Variants in STAB2 observed in about 807,000 individuals in gnomAD.
The protein encoded by STAB2 is stabilin-2.
In STAB2, 288 loss-of-function variants were observed where a neutral mutation model predicts 338.1. The ratio of observed to expected loss-of-function variants is 0.85; its 90% CI spans 0.77 to 0.94. The LOEUF (loss-of-function observed/expected upper bound fraction) is 0.94. Ranked by LOEUF, STAB2 falls within the 40% of genes least tolerant of loss-of-function variation. The probability of loss-of-function intolerance (pLI) is 0.00; values close to 1 mark genes in which losing one functional copy is unlikely to be tolerated. For synonymous variants in STAB2, 1,202 were observed against 1,193.3 expected (o/e 1.01, Z -0.15); for missense variants, 3,141 against 3,210.1 (o/e 0.98, Z 0.52).
chr12:103,694,464 A>G (rs2138925766), intron 31 of STAB2, among the ~76,000 whole-genome samples: 1 of 152,300 alleles, frequency 6.6e-6, no homozygotes, highest in East Asian at 1.9e-4. Flanking sequence ...AGCCAGATAC[A>G]ATTATTAGAC....
In STAB2 at chr12:103,703,162, G is replaced by A; in HGVS notation, c.3729G>A (p.Glu1243=). The change falls in exon 35 of 69, where the codon GAG becomes GAA. Residue 1243 remains glutamate (E), a synonymous_variant. Coordinates refer to ENST00000388887, the MANE Select transcript of STAB2 (RefSeq NM_017564.10). The stretch of plus-strand genomic sequence containing the variant: ...GTTGTTCACAGCTCTATGTAAATGA[G>A]GCTCCAATAAACTACACCAATGTAG... The part of the protein sequence containing the change: ...FLHNDQLYVN[E]APINYTNVAT... 3 of 1,613,528 alleles carry A rather than the reference G, an allele frequency of 1.9e-6. No homozygotes were observed. Among genetic ancestry groups the A allele is most frequent in the Non-Finnish European group, 2.5e-6 (3 of 1,179,934 alleles).
intron 18 of STAB2, among the ~76,000 whole-genome samples, chr12:103,665,002 C>T (rs10745978): frequency 0.57 from 87,049 of 152,062 alleles, 25,714 homozygotes; most frequent in East Asian, 0.8. Flanking sequence ...TTATTCTCCA[C>T]CTCCCTAAAG....
intron 46 of STAB2, among the ~76,000 whole-genome samples, chr12:103,726,833 A>G (rs1881244992): frequency 6.6e-6 from 1 of 152,234 alleles, no homozygotes; most frequent in Non-Finnish European, 1.5e-5. Context: ...ATATGCTCAT[A>G]GTAACCATAT....
intron 19 of STAB2, among the ~76,000 whole-genome samples, chr12:103,666,734 G>A (rs1348332512): frequency 6.6e-6 from 1 of 152,182 alleles, no homozygotes; most frequent in Non-Finnish European, 1.5e-5. Flanking sequence ...GGCATATTGT[G>A]CAGAACTGTC....
intron 43 of STAB2, among the ~76,000 whole-genome samples, chr12:103,717,488 AG>A (rs1593277382): frequency 6.6e-6 from 1 of 152,206 alleles, no homozygotes; most frequent in Non-Finnish European, 1.5e-5. Context: ...CCTGAAGGCA[AG>A]GGACCAAATG....
chr12:103,753,199 T>C (rs916410087), intron 60 of STAB2, 21 bp from the exon 61 acceptor site: 2 of 1,613,036 alleles, frequency 1.2e-6, no homozygotes, highest in Middle Eastern at 1.7e-4. Context: ...ACCTGGGCGA[T>C]TCCTCCTCTT....
intron 45 of STAB2, 92 bp from the exon 46 acceptor site, chr12:103,726,024 G>A (rs1881172600): frequency 1.4e-6 from 2 of 1,407,402 alleles, no homozygotes; most frequent in South Asian, 1.2e-5. Context: ...ATTTCCAGCT[G>A]AAGGGATGGC....
At chr12:103,715,917 G>T in intron 43 of STAB2, 29 bp downstream of exon 43, 3 of 1,612,784 alleles carry the variant, frequency 1.9e-6, no homozygotes, top group Non-Finnish European at 2.5e-6. Context: ...AGGCCCTTAG[G>T]TTTCCTAAAA....
Position 103,677,532 on chromosome 12 carries a change from C to G in STAB2, c.2726C>G (p.Ser909Trp). 1 of 1,614,164 alleles carries G rather than the reference C, an allele frequency of 6.2e-7. No homozygotes were observed. Among genetic ancestry groups the G allele is most frequent in the Non-Finnish European group, 8.5e-7 (1 of 1,180,024 alleles). ...TGGACAGGGAATGGGAGAGACTGCT[C>G]GGAGATCAACAACTGCCTGCTGCCC... is the stretch of plus-strand genomic sequence containing the variant. ...QGWTGNGRDC[S>W]EINNCLLPSA... Residue 909 changes from serine (S) to tryptophan (W), a missense_variant, in exon 25 of 69, where the codon TCG becomes TGG. Ser to Trp is a radical substitution (Grantham distance 177, BLOSUM62 -3). Transcript: ENST00000388887.
At chr12:103,671,542 C>T (rs745517611) in intron 22 of STAB2, among the ~76,000 whole-genome samples, 2 of 152,166 alleles carry the variant, frequency 1.3e-5, no homozygotes, top group African/African-American at 2.4e-5. Context: ...GGGCAAGTTA[C>T]TCTACTTCTC....
rs527976996 is a variant in STAB2 at position 103,631,598 on chromosome 12, T to C, written c.488T>C (p.Val163Ala). The change falls in exon 6 of 69, where the codon GTG becomes GCG. Residue 163 changes from valine to alanine, a missense_variant and splice_region_variant. Physicochemically the swap from Val to Ala is moderately conservative, Grantham distance 64 (BLOSUM62 0). Transcript: ENST00000388887. The stretch of plus-strand genomic sequence containing the variant: ...AAAATCCCCCACTTTCTGTCTCCAG[T>C]GTGCAACTGTGTGCATGGGGTGTGC... ...DNLFGPSCSS[V>A]CNCVHGVCNS... 3 of 1,614,010 alleles carry C rather than the reference T, an allele frequency of 1.9e-6. No homozygotes were observed. Among genetic ancestry groups the C allele is most frequent in the South Asian group, 2.2e-5 (2 of 91,064 alleles).
At chr12:103,711,590 A>C (rs1879866547) in intron 40 of STAB2, 74 bp downstream of exon 40, 1 of 1,527,384 alleles carries the variant, frequency 6.5e-7, no homozygotes, top group Non-Finnish European at 8.9e-7. Context: ...CCTAGTCTCT[A>C]TCCTCAGGGG....
chr12:103,591,917 T>C (rs768131111), intron 2 of STAB2, among the ~76,000 whole-genome samples: 3 of 152,224 alleles, frequency 2.0e-5, no homozygotes, highest in African/African-American at 4.8e-5. Context: ...TAGTACTCAA[T>C]GAGTTTGCTT....
At chr12:103,666,508 G>T (rs1234760851) in intron 19 of STAB2, among the ~76,000 whole-genome samples, 155 bp downstream of exon 19, 2 of 152,240 alleles carry the variant, frequency 1.3e-5, no homozygotes, top group Non-Finnish European at 2.9e-5. Flanking sequence ...ATGGTAGAAA[G>T]CGATCCCACA....
intron 2 of STAB2, chr12:103,592,144 CT>C (rs1372777370): frequency 6.6e-6 from 1 of 152,034 alleles, no homozygotes; most frequent in Non-Finnish European, 1.5e-5. Context: ...CCTGTTCCTC[CT>C]TTTGGAGGTT....
At chr12:103,652,355 G>A (rs559350569) in intron 11 of STAB2, among the ~76,000 whole-genome samples, 1 of 152,316 alleles carries the variant, frequency 6.6e-6, no homozygotes, top group South Asian at 2.1e-4. Flanking sequence ...TCCCTGGAAG[G>A]CCTGGCCCAG....
At chr12:103,628,932 A>C (rs1957419637) in intron 5 of STAB2, among the ~76,000 whole-genome samples, 1 of 152,234 alleles carries the variant, frequency 6.6e-6, no homozygotes, top group Non-Finnish European at 1.5e-5. Context: ...GCAGCTCTGC[A>C]CTTGCACAAC....
chr12:103,759,569 C>T (rs1171055666), intron 65 of STAB2, among the ~76,000 whole-genome samples: 1 of 152,176 alleles, frequency 6.6e-6, no homozygotes, highest in Non-Finnish European at 1.5e-5. Flanking sequence ...CAGGCATTAA[C>T]ATGAGCTCCA....
chr12:103,614,559 T>G (rs539642777), intron 3 of STAB2, among the ~76,000 whole-genome samples: 10 of 152,132 alleles, frequency 6.6e-5, no homozygotes, highest in Non-Finnish European at 1.2e-4. Context: ...GTGCTACAGG[T>G]TTTTCTAGGC....
Sources: gnomAD v4.1 joint callset for allele counts (sites outside exome capture counted in the v4.1 genomes callset) on GRCh38, gnomAD v4.1.1 for gene constraint, MANE v1.5 for transcripts, NCBI Gene and HGNC (gene_info 2026-07-23, HGNC 2026-07-21) for gene names.